The following ELAVL1 variants were observed in gnomAD, a reference collection of about 807,000 sequenced individuals.
ELAVL1 encodes the protein ELAV-like protein 1.
In ELAVL1, 1 loss-of-function variant was observed where a neutral mutation model predicts 28.4. The ratio of observed to expected loss-of-function variants is 0.04; its 90% CI spans 0.01 to 0.17. ELAVL1 has a LOEUF of 0.17. Among genes scored for constraint, ELAVL1 ranks in the 10% least tolerant of loss-of-function variants. ELAVL1 has a pLI of 1.00. For missense variants in ELAVL1, 157 were observed against 447.2 expected, an observed-to-expected ratio of 0.35 and a Z score of 5.85; for synonymous variants, 174 against 183.5, an observed-to-expected ratio of 0.95 and a Z score of 0.42.
chr19:7,978,699 C>T (rs1047771018), intron 3 of ELAVL1, among the ~76,000 whole-genome samples: 18 of 152,212 alleles, frequency 1.2e-4, no homozygotes, highest in Admixed American at 2.0e-4. Flanking sequence ...GAAGGGGTGG[C>T]GGGAACCCTG....
At chr19:7,988,446 A>G (rs1985662340) in intron 2 of ELAVL1, among the ~76,000 whole-genome samples, 1 of 152,112 alleles carries the variant, frequency 6.6e-6, no homozygotes, top group African/African-American at 2.4e-5. Context: ...GCTGAGTCAA[A>G]GGCTGGGGAA....
At chr19:7,987,419 A>G (rs1330627874) in intron 2 of ELAVL1, among the ~76,000 whole-genome samples, 2 of 152,106 alleles carry the variant, frequency 1.3e-5, no homozygotes, top group Non-Finnish European at 2.9e-5. Context: ...GGCAGCGGGC[A>G]GGACCACCGG....
chr19:8,002,132 C>A (rs2081070113), intron 1 of ELAVL1: 1 of 1,289,194 alleles, frequency 7.8e-7, no homozygotes, highest in Non-Finnish European at 1.0e-6. Context: ...CCTTCTTGTC[C>A]CTAAAGAACC....
At position 7,967,615 on chromosome 19, in the gene ELAVL1, C is replaced by T. The variant is rs372959704; in HGVS notation, c.606G>A (p.Ser202=). 2.8e-5 allele frequency: 46 copies of T among 1,614,038 alleles called. No individual in the cohort carries two copies. The highest frequency in any genetic ancestry group is 3.7e-5 in the Non-Finnish European group (44 of 1,180,022). The change falls in exon 5 of 6, where the codon TCG becomes TCA. Residue 202 remains serine (S), a synonymous_variant. Transcript: ENST00000407627. ...NVALLSQLYH[S]PARRFGGPVH... is the part of the protein sequence containing the mutation. ...CGGGGCCTCCGAACCGTCGCGCTGG[C>T]GAGTGGTACAGCTGCGAGAGGAGTG... is the stretch of plus-strand genomic sequence containing the variant.
At chr19:7,977,023 A>G (rs1251831660) in intron 3 of ELAVL1, among the ~76,000 whole-genome samples, 1 of 152,044 alleles carries the variant, frequency 6.6e-6, no homozygotes, top group Non-Finnish European at 1.5e-5. Flanking sequence ...CTTTGCAAAC[A>G]GACTCTGTGA....
intron 1 of ELAVL1, among the ~76,000 whole-genome samples, chr19:7,998,914 A>C (rs1038306783): frequency 6.6e-6 from 1 of 152,104 alleles, no homozygotes; most frequent in Non-Finnish European, 1.5e-5. Context: ...AGTAGCTGGG[A>C]CTACTGGTGT....
chr19:7,980,367 C>T (rs1812176662), intron 3 of ELAVL1, among the ~76,000 whole-genome samples: 1 of 152,140 alleles, frequency 6.6e-6, no homozygotes, highest in Admixed American at 6.5e-5. Flanking sequence ...GCAGGAGCTG[C>T]CCACGAACCC....
intron 1 of ELAVL1, among the ~76,000 whole-genome samples, chr19:7,995,140 G>A (rs1005280356): frequency 1.3e-5 from 2 of 152,132 alleles, no homozygotes; most frequent in African/African-American, 4.8e-5. Context: ...CTGTGGCCAC[G>A]AGATTTTAGA....
intron 5 of ELAVL1, among the ~76,000 whole-genome samples, chr19:7,965,479 C>T (rs992834724): frequency 1.3e-5 from 2 of 152,162 alleles, no homozygotes; most frequent in African/African-American, 4.8e-5. Flanking sequence ...TCTTTTCCAT[C>T]CCTTATCTCT....
chr19:7,975,026 G>A (rs528413143), intron 3 of ELAVL1, among the ~76,000 whole-genome samples: 10 of 152,294 alleles, frequency 6.6e-5, no homozygotes, highest in Non-Finnish European at 1.3e-4. Flanking sequence ...AATCGAGGGA[G>A]CATGTCACTA....
chr19:8,002,326 G>C (rs2145232149), intron 1 of ELAVL1: 1 of 366,450 alleles, frequency 2.7e-6, no homozygotes, highest in South Asian at 2.0e-5. Context: ...TCCCTTTTCT[G>C]GGCTTCCACA....
chr19:8,000,074 G>A (rs1449381296), intron 1 of ELAVL1, among the ~76,000 whole-genome samples: 1 of 152,152 alleles, frequency 6.6e-6, no homozygotes, highest in East Asian at 1.9e-4. Flanking sequence ...ACCACGCTTG[G>A]CCGCTTTTTT....
Position 7,991,843 on chromosome 19 carries a change from A to G in ELAVL1, c.-16-12T>C. 4 of 1,578,302 alleles carry G rather than the reference A, an allele frequency of 2.5e-6. No individual in the cohort carries two copies. The highest frequency in any genetic ancestry group is 3.5e-6 in the Non-Finnish European group (4 of 1,157,710). ...TATTTTTCAAAAATCTGCCAAGAGA[A>G]AAAGAGCAAGTAAATTCAAAATGTT... On this transcript the variant is annotated splice_polypyrimidine_tract_variant and intron_variant, in intron 1 of 5. Transcript: ENST00000407627.
At chr19:7,969,442 C>G (rs1985043421) in intron 4 of ELAVL1, among the ~76,000 whole-genome samples, 1 of 152,094 alleles carries the variant, frequency 6.6e-6, no homozygotes, top group Non-Finnish European at 1.5e-5. Flanking sequence ...CACTGCAGGC[C>G]CCCCGTGAGC....
intron 4 of ELAVL1, among the ~76,000 whole-genome samples, chr19:7,970,738 T>TA (rs138226909): frequency 0.026 from 3,909 of 151,600 alleles, 66 homozygotes; most frequent in African/African-American, 0.035. Context: ...TCTCTTTTTT[T>TA]AAAAAAAGAG....
intron 3 of ELAVL1, among the ~76,000 whole-genome samples, chr19:7,976,168 C>T (rs1985279441): frequency 1.3e-5 from 2 of 151,358 alleles, no homozygotes; most frequent in Non-Finnish European, 1.5e-5. Flanking sequence ...TTTGGGAGGC[C>T]GAGGCGGGTG....
rs1178390157 is a variant in ELAVL1, at chr19:7,960,384, G to A, written c.*3099C>T. 3.9e-5 allele frequency: 6 copies of A among 152,212 alleles called. No individual in the cohort carries two copies. In the East Asian group the frequency reaches 7.7e-4, roughly 20 times the overall value. The allele number at this position is 152,212 out of a possible 1,614,324, so 9.4% of individuals were successfully genotyped here. ...CAGCACCACCTGCGGGCGGGCCCCC[G>A]AGGAAGCCCATGAATTTCAGGATAT... On this transcript the variant is annotated 3_prime_UTR_variant, in exon 6 of 6. Coordinates refer to ENST00000407627, the MANE Select transcript of ELAVL1 (RefSeq NM_001419.3).
intron 2 of ELAVL1, among the ~76,000 whole-genome samples, chr19:7,986,637 AG>A (rs1483897229): frequency 6.6e-5 from 10 of 152,380 alleles, no homozygotes; most frequent in Non-Finnish European, 1.0e-4. Context: ...CTTCACCGGC[AG>A]GAAGACTTTC....
intron 1 of ELAVL1, among the ~76,000 whole-genome samples, chr19:8,004,338 G>C (rs2081079572): frequency 6.6e-6 from 1 of 152,180 alleles, no homozygotes; most frequent in Admixed American, 6.6e-5. Context: ...GAGGTCTTGG[G>C]AGCATCTCCC....
Sources: gnomAD v4.1 joint callset for allele counts (sites outside exome capture counted in the v4.1 genomes callset) on GRCh38, gnomAD v4.1.1 for gene constraint, MANE v1.5 for transcripts, NCBI Gene and HGNC (gene_info 2026-07-23, HGNC 2026-07-21) for gene names.